ZC2HC1B: variants seen among roughly 807,000 people sequenced by gnomAD.
ZC2HC1B encodes the protein zinc finger C2HC-type containing 1B, also known as zinc finger C2HC domain-containing protein 1B.
In ZC2HC1B, 36 loss-of-function variants were observed where a neutral mutation model predicts 31.0. The observed-to-expected ratio is 1.16, with a 90% CI of 0.89 to 1.54. ZC2HC1B has a LOEUF of 1.54. Ranked by LOEUF, ZC2HC1B falls within the 40% of genes most tolerant of loss-of-function variation. ZC2HC1B has a pLI of 0.00. For synonymous variants in ZC2HC1B, 73 were observed against 88.0 expected, an observed-to-expected ratio of 0.83 and a Z score of 0.95; for missense variants, 260 against 268.6, an observed-to-expected ratio of 0.97 and a Z score of 0.22.
At position 143,904,584 on chromosome 6, in the gene ZC2HC1B, T is replaced by C. The variant is rs74421490; in HGVS notation, c.598+1432T>C. Among the ~76,000 whole-genome samples the C allele has an allele frequency of 1.4e-3, 220 of 152,348 alleles. 1 individual carries two copies. Among genetic ancestry groups the C allele is most frequent in the African/African-American group, 5.0e-3 (208 of 41,584 alleles). On this transcript the variant is annotated intron_variant, in intron 6 of 7. Transcript: ENST00000237275. ...ACTATGCTGATATTCTCTTGATTCA[T>C]AAATTTTTAAAATTTTAGTGAAGTC...
At chr6:143,879,554 G>A (rs1356358047) in intron 1 of ZC2HC1B, among the ~76,000 whole-genome samples, 1 of 152,038 alleles carries the variant, frequency 6.6e-6, no homozygotes, top group Non-Finnish European at 1.5e-5. Flanking sequence ...TGCATGTTCT[G>A]GACTGCAAAG....
At chr6:143,889,470 A>G (rs549321153) in intron 4 of ZC2HC1B, among the ~76,000 whole-genome samples, 2 of 152,114 alleles carry the variant, frequency 1.3e-5, no homozygotes, top group Non-Finnish European at 2.9e-5. Context: ...ATTGATATAA[A>G]GACACAAATA....
intron 4 of ZC2HC1B, among the ~76,000 whole-genome samples, chr6:143,893,968 G>A (rs1349272985): frequency 6.6e-6 from 1 of 152,112 alleles, no homozygotes; most frequent in African/African-American, 2.4e-5. Context: ...TTACAGGTGT[G>A]AGCCACCGCG....
rs1018736457 is a variant in ZC2HC1B at position 143,869,790 on chromosome 6, T to A, written c.28+5223T>A. Among the ~76,000 whole-genome samples the A allele has an allele frequency of 6.6e-6, 1 of 152,150 alleles. No homozygotes were observed. Among genetic ancestry groups the A allele is most frequent in the African/African-American group, 2.4e-5 (1 of 41,438 alleles). ...GCACTCAGCAGTGGCTGTAGTCAGG[T>A]CAGCTTTGGTGAGTGGAAGTCCATG... On this transcript the variant is annotated intron_variant, in intron 1 of 7. Transcript: ENST00000237275. This position sits in a 1 kb window ranked among gnomAD's most constrained non-coding sequence, Gnocchi z 5.2.
chr6:143,936,701 C>CTTTG (rs1778182966), intron 6 of ZC2HC1B, among the ~76,000 whole-genome samples: 1 of 152,200 alleles, frequency 6.6e-6, no homozygotes, highest in South Asian at 2.1e-4. Context: ...ACCTGCATTG[C>CTTTG]TTTGTATATT....
At chr6:143,926,284 C>A (rs1778041617) in intron 6 of ZC2HC1B, among the ~76,000 whole-genome samples, 1 of 152,156 alleles carries the variant, frequency 6.6e-6, no homozygotes, top group Admixed American at 6.5e-5. Flanking sequence ...CTTAGCACTT[C>A]TTTTGCTACA....
Position 143,886,306 on chromosome 6 carries a change from A to G in ZC2HC1B, c.210+155A>G, listed in dbSNP as rs1237915953. 6.6e-6 allele frequency among the ~76,000 whole-genome samples: 1 copy of G among 152,204 alleles called. No homozygotes were observed. The highest frequency in any genetic ancestry group is 1.5e-5 in the Non-Finnish European group (1 of 68,046). ...TTTTTCTTTATAATCTTGCTCACTT[A>G]GATTTCCAGATATACTTCAGATATT... On this transcript the variant is annotated intron_variant, in intron 3 of 7. Coordinates refer to ENST00000237275, the MANE Select transcript of ZC2HC1B (RefSeq NM_001013623.3). The surrounding 1 kb of genome is among the most constrained non-coding windows in gnomAD (Gnocchi z 4.2).
intron 6 of ZC2HC1B, among the ~76,000 whole-genome samples, chr6:143,910,942 G>T (rs1777848441): frequency 6.6e-6 from 1 of 151,992 alleles, no homozygotes; most frequent in African/African-American, 2.4e-5. Flanking sequence ...TTGTGGAGAT[G>T]GGGTTTAACC....
intron 6 of ZC2HC1B, among the ~76,000 whole-genome samples, chr6:143,920,331 C>G (rs1270374411): frequency 6.6e-6 from 1 of 152,108 alleles, no homozygotes; most frequent in Non-Finnish European, 1.5e-5. Context: ...GAAAAGACAG[C>G]ATGTCAGTTA....
Position 143,865,820 on chromosome 6 carries a change from CTTT to C in ZC2HC1B, c.28+1262_28+1264del, listed in dbSNP as rs1331931417. ...AATCTTGAAGAATTTGTATCTTAAACTTTTTTTTTTTGCCAAGACAGGTCTTGC... is the reference window on the plus strand; with the variant it reads ...AATCTTGAAGAATTTGTATCTTAAACTTTTTTTTGCCAAGACAGGTCTTGC... On this transcript the variant is annotated intron_variant, in intron 1 of 7. Transcript: ENST00000237275. The surrounding 1 kb of genome is among the most constrained non-coding windows in gnomAD (Gnocchi z 4.4). Among the ~76,000 whole-genome samples, 1 of 148,144 alleles carries C rather than the reference CTTT, an allele frequency of 6.8e-6. No homozygotes were observed. The highest frequency in any genetic ancestry group is 1.5e-5 in the Non-Finnish European group (1 of 66,588).
intron 5 of ZC2HC1B, 117 bp from the exon 6 acceptor site, chr6:143,902,926 TC>T: frequency 1.2e-6 from 1 of 841,704 alleles, no homozygotes; most frequent in Non-Finnish European, 1.9e-6. Flanking sequence ...ATTCAGGGAG[TC>T]CCTGCAGATG....
rs1474910875 is a variant in ZC2HC1B at position 143,899,611 on chromosome 6, A to C, written c.489+920A>C. Among the ~76,000 whole-genome samples, 1 of 152,170 alleles carries C rather than the reference A, an allele frequency of 6.6e-6. No homozygotes were observed. Among genetic ancestry groups the C allele is most frequent in the African/African-American group, 2.4e-5 (1 of 41,428 alleles). On this transcript the variant is annotated intron_variant, in intron 5 of 7. Transcript: ENST00000237275. The surrounding 1 kb of genome is among the most constrained non-coding windows in gnomAD (Gnocchi z 5.0). Reference sequence around the variant, plus strand: ...AGGCTGGTCTCAAACTCCTGGGCCCAAGCAATCTGCCCTCTTCAGCCTCCC... The same window carrying C: ...AGGCTGGTCTCAAACTCCTGGGCCCCAGCAATCTGCCCTCTTCAGCCTCCC...
In ZC2HC1B at chr6:143,886,769, C is replaced by A; in HGVS notation, c.297C>A (p.Ala99=). The change falls in exon 4 of 8, where the codon GCC becomes GCA. Residue 99 remains alanine, a synonymous_variant. Coordinates refer to ENST00000237275, the MANE Select transcript of ZC2HC1B (RefSeq NM_001013623.3). This position sits in a 1 kb window ranked among gnomAD's most constrained non-coding sequence, Gnocchi z 4.2. The part of the protein sequence containing the change: ...AIRSAKQCML[A]IKEGRPLPPP... ...GATCAGCAAAGCAGTGTATGCTAGC[C>A]ATTAAAGAAGGCCGACCCCTCCCAC... The A allele has an allele frequency of 6.5e-7, 1 of 1,549,448 alleles. No homozygotes were observed.
rs779730072 is a variant in ZC2HC1B at position 143,923,909 on chromosome 6, C to A, written c.599-13740C>A. The stretch of plus-strand genomic sequence containing the variant: ...GCCTCCAGCTTTGTTTTTTTTTACT[C>A]AGGAACACTATGGCTATTTGAGCTC... On this transcript the variant is annotated intron_variant, in intron 6 of 7. Transcript: ENST00000237275. The surrounding 1 kb of genome is among the most constrained non-coding windows in gnomAD (Gnocchi z 4.8). 3.3e-5 allele frequency among the ~76,000 whole-genome samples: 5 copies of A among 151,140 alleles called. No individual in the cohort carries two copies. Among genetic ancestry groups the A allele is most frequent in the Non-Finnish European group, 5.9e-5 (4 of 67,820 alleles).
Position 143,923,809 on chromosome 6 carries a change from G to A in ZC2HC1B, c.599-13840G>A, listed in dbSNP as rs975522799. Among the ~76,000 whole-genome samples, 1 of 151,874 alleles carries A rather than the reference G, an allele frequency of 6.6e-6. No individual in the cohort carries two copies. Among genetic ancestry groups the A allele is most frequent in the South Asian group, 2.1e-4 (1 of 4,818 alleles). On this transcript the variant is annotated intron_variant, in intron 6 of 7. Coordinates refer to ENST00000237275, the MANE Select transcript of ZC2HC1B (RefSeq NM_001013623.3). The surrounding 1 kb of genome is among the most constrained non-coding windows in gnomAD (Gnocchi z 4.8). ...TCTATTCTGTTTCATTGGTTTATGT[G>A]TCTGTTTTTATACCAATATCTTGCT...
At chr6:143,919,217 C>CTCTCTGTG (rs1176724266) in intron 6 of ZC2HC1B, among the ~76,000 whole-genome samples, 12 of 123,596 alleles carry the variant, frequency 9.7e-5, no homozygotes, top group Admixed American at 5.1e-4. Flanking sequence ...TTGCTATTCT[C>CTCTCTGTG]TGTGTGTGTG....
At position 143,913,730 on chromosome 6, in the gene ZC2HC1B, G is replaced by A. The variant is rs1261584743; in HGVS notation, c.598+10578G>A. ...GATCCACAGGTTGCAAAGATTCATGGGAGAAGCATGGTTTCCTGGGTCACA... is the reference window on the plus strand; with the variant it reads ...GATCCACAGGTTGCAAAGATTCATGAGAGAAGCATGGTTTCCTGGGTCACA... On this transcript the variant is annotated intron_variant, in intron 6 of 7. Coordinates refer to ENST00000237275, the MANE Select transcript of ZC2HC1B (RefSeq NM_001013623.3). This position sits in a 1 kb window ranked among gnomAD's most constrained non-coding sequence, Gnocchi z 5.7. Among the ~76,000 whole-genome samples, 1 of 152,162 alleles carries A rather than the reference G, an allele frequency of 6.6e-6. No individual in the cohort carries two copies. Among genetic ancestry groups the A allele is most frequent in the South Asian group, 2.1e-4 (1 of 4,828 alleles).
chr6:143,928,306 A>T (rs1011638964), intron 6 of ZC2HC1B, among the ~76,000 whole-genome samples: 3 of 152,092 alleles, frequency 2.0e-5, no homozygotes, highest in African/African-American at 4.8e-5. Flanking sequence ...ATGACAGATA[A>T]ATCCAGTTCA....
At chr6:143,889,617 A>G (rs1199344533) in intron 4 of ZC2HC1B, among the ~76,000 whole-genome samples, 2 of 152,162 alleles carry the variant, frequency 1.3e-5, no homozygotes, top group Non-Finnish European at 2.9e-5. Flanking sequence ...AAGACCTATC[A>G]GTTTTAAATG....
Sources: allele counts gnomAD v4.1 joint callset (sites outside exome capture counted in the v4.1 genomes callset), GRCh38; gene constraint gnomAD v4.1.1; non-coding constraint Gnocchi (gnomAD v3.1); transcripts MANE v1.5; gene names NCBI Gene and HGNC (gene_info 2026-07-23, HGNC 2026-07-21).